Variants in SRR observed in about 807,000 individuals in gnomAD.
The protein encoded by SRR is serine racemase.
In SRR, 19 loss-of-function variants were observed where a neutral mutation model predicts 32.7. The observed-to-expected ratio is 0.58, with a 90% CI of 0.40 to 0.85. The LOEUF is 0.85. Among genes scored for constraint, SRR ranks in the 40% least tolerant of loss-of-function variants. The probability of loss-of-function intolerance (pLI) is 0.00; values close to 1 mark genes in which losing one functional copy is unlikely to be tolerated. For synonymous variants in SRR, 142 were observed against 140.9 expected (o/e 1.01, Z -0.06); for missense variants, 373 against 404.7 (o/e 0.92, Z 0.67).
At chr17:2,307,516 A>G (rs2075400242) in intron 1 of SRR, 11 of 1,331,666 alleles carry the variant, frequency 8.3e-6, no homozygotes, top group African/African-American at 4.3e-5. Flanking sequence ...GATGGAAGCA[A>G]TTTTGGAGGT....
Position 2,323,249 on chromosome 17 carries a change from A to C in SRR, c.708A>C (p.Ile236=). 1 of 1,614,216 alleles carries C rather than the reference A, an allele frequency of 6.2e-7. No individual in the cohort carries two copies. Among genetic ancestry groups the C allele is most frequent in the Non-Finnish European group, 8.5e-7 (1 of 1,180,028 alleles). The change falls in exon 7 of 8, where the codon ATA becomes ATC. Residue 236 remains isoleucine (I), a synonymous_variant. Transcript: ENST00000344595. ...LMPNLYPPET[I]ADGVKSSIGL... ...CCAATCTTTATCCTCCAGAAACCATAGCAGATGGTGTCAAATCCAGCATTG... is the reference window on the plus strand; with the variant it reads ...CCAATCTTTATCCTCCAGAAACCATCGCAGATGGTGTCAAATCCAGCATTG...
At chr17:2,322,029 C>T (rs1378129338) in intron 6 of SRR, among the ~76,000 whole-genome samples, 1 of 152,228 alleles carries the variant, frequency 6.6e-6, no homozygotes, top group Non-Finnish European at 1.5e-5. Flanking sequence ...GATCCACCCG[C>T]CTTGGCCTCC....
intron 6 of SRR, among the ~76,000 whole-genome samples, chr17:2,321,981 C>A (rs2075533221): frequency 6.6e-6 from 1 of 152,202 alleles, no homozygotes; most frequent in Admixed American, 6.5e-5. Flanking sequence ...CAGGGTTTCA[C>A]CATGTTGGTC....
intron 1 of SRR, among the ~76,000 whole-genome samples, chr17:2,304,518 C>T (rs1201101511): frequency 2.0e-5 from 3 of 151,312 alleles, no homozygotes; most frequent in Non-Finnish European, 1.5e-5. Context: ...GCTGGGATTA[C>T]AGGCGTGAGC....
intron 1 of SRR, among the ~76,000 whole-genome samples, chr17:2,312,166 T>A (rs551844533): frequency 5.0e-5 from 7 of 138,640 alleles, no homozygotes; most frequent in Middle Eastern, 4.3e-3. Flanking sequence ...CAGGGAGCCA[T>A]AATTGAGCCA....
intron 3 of SRR, among the ~76,000 whole-genome samples, 195 bp from the exon 4 acceptor site, chr17:2,318,619 ATTTTTTTTTTTT>A (rs35847724): frequency 3.0e-4 from 28 of 92,530 alleles, no homozygotes; most frequent in African/African-American, 1.2e-3. Flanking sequence ...ATGCCTGGCT[ATTTTTTTTTTTT>A]TTTTTTTTTT....
At chr17:2,314,474 C>G (rs565868937) in intron 1 of SRR, among the ~76,000 whole-genome samples, 1 of 151,232 alleles carries the variant, frequency 6.6e-6, no homozygotes, top group African/African-American at 2.4e-5. Context: ...TCCCAGCTAC[C>G]AGGGAGGCTG....
At chr17:2,303,413 G>C, upstream of SRR, 1 of 1,256,484 alleles carries the variant, frequency 8.0e-7, no homozygotes, top group Non-Finnish European at 1.0e-6. Flanking sequence ...CAGGAATTCG[G>C]GCCAGGCTCT....
chr17:2,303,604 C>G, upstream of SRR: 3 of 1,414,570 alleles, frequency 2.1e-6, no homozygotes, highest in Non-Finnish European at 1.8e-6. Flanking sequence ...CGGGCAGGCC[C>G]GGCCCAGGAG....
upstream of SRR, chr17:2,303,770 G>A (rs973869044): frequency 1.4e-6 from 2 of 1,451,642 alleles, no homozygotes; most frequent in Non-Finnish European, 1.8e-6. Context: ...GCCGCGCGCA[G>A]CCAGGAAACC....
chr17:2,310,746 T>C (rs954838350), intron 1 of SRR, among the ~76,000 whole-genome samples: 1 of 151,904 alleles, frequency 6.6e-6, no homozygotes, highest in Admixed American at 6.6e-5. Flanking sequence ...TCCTGGCTAA[T>C]TTTTTTGTTT....
At chr17:2,323,107 T>G (rs747298383) in intron 6 of SRR, 29 bp from the exon 7 acceptor site, 2 of 1,608,450 alleles carry the variant, frequency 1.2e-6, no homozygotes. Flanking sequence ...TGGTTTGTTG[T>G]TAAGATGTCT....
At chr17:2,303,792 GCGGCGCGC>G, upstream of SRR, 1 of 1,285,436 alleles carries the variant, frequency 7.8e-7, no homozygotes, top group Non-Finnish European at 1.0e-6. Flanking sequence ...CCACAGACGG[GCGGCGCGC>G]GCGCTCGCCC....
chr17:2,313,943 T>G (rs555305090), intron 1 of SRR, among the ~76,000 whole-genome samples: 1 of 152,316 alleles, frequency 6.6e-6, no homozygotes, highest in African/African-American at 2.4e-5. Flanking sequence ...TTTTTGTATC[T>G]CTGTATTTTC....
At chr17:2,307,479 G>A in intron 1 of SRR, 2 of 1,439,962 alleles carry the variant, frequency 1.4e-6, no homozygotes, top group Non-Finnish European at 1.9e-6. Context: ...ATCGTGCAGT[G>A]GGGATGGCTA....
At chr17:2,312,700 A>G (rs2075441890) in intron 1 of SRR, among the ~76,000 whole-genome samples, 1 of 152,204 alleles carries the variant, frequency 6.6e-6, no homozygotes, top group Non-Finnish European at 1.5e-5. Context: ...GGGAGTACAA[A>G]TTGATGTAAT....
chr17:2,306,859 T>C, intron 1 of SRR: 1 of 843,492 alleles, frequency 1.2e-6, no homozygotes, highest in Non-Finnish European at 2.0e-6. Context: ...GAGGAGCCAT[T>C]CTGAGCAATG....
At chr17:2,315,173 G>A (rs905426307) in intron 1 of SRR, among the ~76,000 whole-genome samples, 1 of 151,668 alleles carries the variant, frequency 6.6e-6, no homozygotes, top group East Asian at 1.9e-4. Flanking sequence ...CCCGGGAGGC[G>A]GAGGTTGCAG....
intron 1 of SRR, among the ~76,000 whole-genome samples, chr17:2,313,344 C>T (rs1177900903): frequency 2.0e-5 from 3 of 149,680 alleles, no homozygotes; most frequent in East Asian, 3.9e-4. Context: ...GCAGGAGAAT[C>T]GCTTGAACCT....
Sources: gnomAD v4.1 joint callset for allele counts (sites outside exome capture counted in the v4.1 genomes callset) on GRCh38, gnomAD v4.1.1 for gene constraint, MANE v1.5 for transcripts, NCBI Gene and HGNC (gene_info 2026-07-23, HGNC 2026-07-21) for gene names.